The following NAALADL2 variants were observed in gnomAD, a reference collection of about 807,000 sequenced individuals.
NAALADL2 encodes inactive N-acetylated-alpha-linked acidic dipeptidase-like protein 2.
NAALADL2 carries 76 observed loss-of-function variants against 87.2 expected under a neutral mutation model. The ratio of observed to expected loss-of-function variants is 0.87; its 90% CI spans 0.72 to 1.05. NAALADL2 has a LOEUF of 1.05. Ranked by LOEUF, NAALADL2 falls within the 50% of genes least tolerant of loss-of-function variation. NAALADL2 has a pLI of 0.00. For missense variants in NAALADL2, 1,089 were observed against 945.8 expected (o/e 1.15, Z -1.99); for synonymous variants, 354 against 331.0 (o/e 1.07, Z -0.75).
At chr3:174,461,496 G>T (rs1232032100) in intron 1 of NAALADL2, among the ~76,000 whole-genome samples, 1 of 151,812 alleles carries the variant, frequency 6.6e-6, no homozygotes. Flanking sequence ...ATTTTTCCTT[G>T]GTTTAAGATT....
At chr3:175,489,987 A>T (rs1028420518) in intron 9 of NAALADL2, among the ~76,000 whole-genome samples, 14 of 152,240 alleles carry the variant, frequency 9.2e-5, no homozygotes, top group Non-Finnish European at 4.4e-5. Context: ...TTTTAGCCAG[A>T]TGATATGGGT....
intron 10 of NAALADL2, among the ~76,000 whole-genome samples, chr3:175,584,828 G>T (rs895469456): frequency 6.6e-6 from 1 of 152,198 alleles, no homozygotes; most frequent in African/African-American, 2.4e-5. Context: ...ATTATGAATG[G>T]AGCTTTCAGG....
At position 174,702,767 on chromosome 3, in the gene NAALADL2, A is replaced by G. The variant is rs187325339; in HGVS notation, c.-114-34874A>G. On this transcript the variant is annotated intron_variant, in intron 2 of 3. Coordinates refer to the NAALADL2 transcript ENST00000434257. The stretch of plus-strand genomic sequence containing the variant: ...CAGTAAAATATGGTATTATGATCTT[A>G]TGAGACCACTCTTGTATATGTGGTC... Among the ~76,000 whole-genome samples, 178 of 152,348 alleles carry G rather than the reference A, an allele frequency of 1.2e-3. 1 individual carries two copies. The highest frequency in any genetic ancestry group is 4.1e-3 in the African/African-American group (172 of 41,582).
chr3:175,264,299 G>A (rs926592647), intron 4 of NAALADL2, among the ~76,000 whole-genome samples: 2 of 151,744 alleles, frequency 1.3e-5, no homozygotes, highest in Admixed American at 1.3e-4. Flanking sequence ...TCATAAGGTT[G>A]TGTGAAGATT....
chr3:174,644,361 A>C (rs1040423623), intron 2 of NAALADL2, among the ~76,000 whole-genome samples: 2 of 152,228 alleles, frequency 1.3e-5, no homozygotes, highest in Non-Finnish European at 2.9e-5. Context: ...TGGTTATGAA[A>C]AGCATAAGGA....
chr3:175,549,003 G>A (rs1470433627), intron 9 of NAALADL2, among the ~76,000 whole-genome samples: 1 of 151,978 alleles, frequency 6.6e-6, no homozygotes. Flanking sequence ...AAGGTTTCTA[G>A]ATATCTGGAT....
intron 4 of NAALADL2, chr3:175,257,212 A>AAAAAAAAG (rs1553839081): frequency 6.9e-6 from 1 of 145,352 alleles, no homozygotes. Flanking sequence ...AAAAAAAAAA[A>AAAAAAAAG]ATTAGTGTAG....
At chr3:174,485,646 G>T (rs1291703997) in intron 1 of NAALADL2, among the ~76,000 whole-genome samples, 1 of 151,924 alleles carries the variant, frequency 6.6e-6, no homozygotes, top group East Asian at 1.9e-4. Flanking sequence ...TTTCATGGCT[G>T]CATAGCATTT....
At chr3:174,880,377 C>T (rs887890457) in intron 1 of NAALADL2, among the ~76,000 whole-genome samples, 3 of 152,012 alleles carry the variant, frequency 2.0e-5, no homozygotes, top group African/African-American at 7.2e-5. Context: ...AAACAAAAAC[C>T]GTAAAATTAT....
chr3:175,667,241 A>AGAG (rs1733276925), intron 11 of NAALADL2, among the ~76,000 whole-genome samples: 3 of 91,716 alleles, frequency 3.3e-5, no homozygotes, highest in African/African-American at 1.0e-4. Context: ...GAAAGAAAGA[A>AGAG]AAAGAAAGAA....
chr3:174,489,207 T>C (rs1718036736), intron 1 of NAALADL2, among the ~76,000 whole-genome samples: 1 of 152,044 alleles, frequency 6.6e-6, no homozygotes, highest in Non-Finnish European at 1.5e-5. Context: ...GAGTTGCTTT[T>C]TGACAATGGT....
At chr3:174,759,873 G>C (rs983513141) in intron 3 of NAALADL2, among the ~76,000 whole-genome samples, 1 of 151,960 alleles carries the variant, frequency 6.6e-6, no homozygotes, top group Non-Finnish European at 1.5e-5. Context: ...GCTAATTTTT[G>C]TATTTTCAGT....
chr3:175,142,569 A>G (rs768125623), intron 2 of NAALADL2, among the ~76,000 whole-genome samples: 17 of 151,996 alleles, frequency 1.1e-4, no homozygotes, highest in Non-Finnish European at 2.5e-4. Flanking sequence ...ATCTGCATCT[A>G]CAGCCCATCC....
chr3:174,520,005 C>T (rs913312604), intron 1 of NAALADL2, among the ~76,000 whole-genome samples: 1 of 152,026 alleles, frequency 6.6e-6, no homozygotes, highest in African/African-American at 2.4e-5. Flanking sequence ...TACATTTATC[C>T]AAGGAAGTGA....
At chr3:174,495,928 C>A (rs1307084046) in intron 1 of NAALADL2, among the ~76,000 whole-genome samples, 1 of 152,154 alleles carries the variant, frequency 6.6e-6, no homozygotes, top group Non-Finnish European at 1.5e-5. Flanking sequence ...TCAGGATGTT[C>A]ATACAGCCAT....
chr3:175,289,784 G>C (rs1013276439), intron 4 of NAALADL2, among the ~76,000 whole-genome samples: 1 of 152,014 alleles, frequency 6.6e-6, no homozygotes, highest in Non-Finnish European at 1.5e-5. Context: ...AACATAGAGA[G>C]ATCTTGTCTC....
chr3:175,312,360 C>T (rs1181580217), intron 4 of NAALADL2, among the ~76,000 whole-genome samples: 4 of 151,402 alleles, frequency 2.6e-5, no homozygotes, highest in Non-Finnish European at 4.4e-5. Flanking sequence ...TGTTACTATA[C>T]GTATGAAATT....
intron 2 of NAALADL2, among the ~76,000 whole-genome samples, chr3:175,168,764 T>C (rs1040366505): frequency 2.6e-5 from 4 of 151,844 alleles, no homozygotes; most frequent in African/African-American, 9.7e-5. Context: ...CCAATTTGTT[T>C]TCTTCACTCC....
At chr3:175,712,342 A>G (rs936101239) in intron 11 of NAALADL2, among the ~76,000 whole-genome samples, 25 of 152,028 alleles carry the variant, frequency 1.6e-4, no homozygotes, top group Admixed American at 1.1e-3. Context: ...TAATCCATGT[A>G]AAAGGGGTAC....
Sources: gnomAD v4.1 joint callset for allele counts (sites outside exome capture counted in the v4.1 genomes callset) on GRCh38, gnomAD v4.1.1 for gene constraint, MANE v1.5 for transcripts, NCBI Gene and HGNC (gene_info 2026-07-23, HGNC 2026-07-21) for gene names.